KAZN: variants seen among roughly 807,000 people sequenced by gnomAD.
KAZN encodes kazrin.
In KAZN, 40 loss-of-function variants were observed where a neutral mutation model predicts 87.4. The ratio of observed to expected loss-of-function variants is 0.46; its 90% CI spans 0.36 to 0.60. The LOEUF (loss-of-function observed/expected upper bound fraction) is 0.60. Among genes scored for constraint, KAZN ranks in the 20% least tolerant of loss-of-function variants. KAZN has a pLI of 0.00. For missense variants in KAZN, 898 were observed against 1,073.9 expected, an observed-to-expected ratio of 0.84 and a Z score of 2.29; for synonymous variants, 466 against 458.3, an observed-to-expected ratio of 1.02 and a Z score of -0.22.
chr1:14,843,572 G>A (rs1162241042), intron 1 of KAZN, among the ~76,000 whole-genome samples: 1 of 152,244 alleles, frequency 6.6e-6, no homozygotes, highest in African/African-American at 2.4e-5. Context: ...TGGGGTGGAA[G>A]AGCCTTTGGG....
At chr1:14,014,560 G>T (rs757522917) in intron 1 of KAZN, among the ~76,000 whole-genome samples, 1 of 152,170 alleles carries the variant, frequency 6.6e-6, no homozygotes. Context: ...ATTTCTCTTA[G>T]CCTGCAAGAT....
Position 14,338,585 on chromosome 1 carries a change from C to T in KAZN, c.249+157993C>T, listed in dbSNP as rs183505934. On this transcript the variant is annotated intron_variant, in intron 2 of 16. Coordinates refer to the KAZN transcript ENST00000636203. ...ATGCATTTTCTGGGAAAGGTGTCCTCAGAAATAAAAGAGAGGCGATGGAAG... is the reference window on the plus strand; with the variant it reads ...ATGCATTTTCTGGGAAAGGTGTCCTTAGAAATAAAAGAGAGGCGATGGAAG... Among the ~76,000 whole-genome samples the T allele has an allele frequency of 2.0e-3, 301 of 148,270 alleles. 1 individual carries two copies. Among genetic ancestry groups the T allele is most frequent in the African/African-American group, 7.3e-3 (287 of 39,188 alleles).
intron 1 of KAZN, among the ~76,000 whole-genome samples, chr1:14,942,933 C>T (rs1389799808): frequency 1.3e-5 from 2 of 151,704 alleles, no homozygotes; most frequent in Middle Eastern, 3.4e-3. Flanking sequence ...AATTCGGCAT[C>T]GCCCTTCTGT....
intron 1 of KAZN, among the ~76,000 whole-genome samples, chr1:14,069,851 C>T (rs1047794139): frequency 6.6e-6 from 1 of 152,136 alleles, no homozygotes; most frequent in Non-Finnish European, 1.5e-5. Context: ...TTGCTCTCTC[C>T]TGTTGATCCT....
intron 1 of KAZN, among the ~76,000 whole-genome samples, chr1:14,173,237 C>T (rs867095163): frequency 6.6e-6 from 1 of 152,178 alleles, no homozygotes; most frequent in African/African-American, 2.4e-5. Flanking sequence ...AGAGTACAAG[C>T]ATCTTTATAG....
intron 1 of KAZN, among the ~76,000 whole-genome samples, chr1:13,895,964 C>A (rs1639024843): frequency 6.6e-6 from 1 of 151,380 alleles, no homozygotes; most frequent in African/African-American, 2.4e-5. Flanking sequence ...ATATGTTTTA[C>A]ATAAACTATC....
intron 2 of KAZN, among the ~76,000 whole-genome samples, chr1:14,994,320 A>G (rs1191105815): frequency 3.9e-5 from 6 of 152,334 alleles, no homozygotes; most frequent in African/African-American, 1.4e-4. Context: ...CCCACACATG[A>G]CATTTGCTGA....
intron 1 of KAZN, among the ~76,000 whole-genome samples, chr1:14,040,103 G>A (rs966601449): frequency 2.4e-5 from 2 of 83,090 alleles, no homozygotes; most frequent in African/African-American, 7.6e-5. Flanking sequence ...GAGAGAGAGA[G>A]ACAGAGAGAG....
chr1:15,043,957 C>A (rs1557747845), intron 3 of KAZN, 32 bp from the exon 4 acceptor site: 6 of 1,579,050 alleles, frequency 3.8e-6, no homozygotes, highest in Non-Finnish European at 5.2e-6. Flanking sequence ...GGCTGTAACA[C>A]CCACGGTGCT....
intron 1 of KAZN, among the ~76,000 whole-genome samples, chr1:14,792,448 G>C (rs1557494418): frequency 6.6e-6 from 1 of 152,178 alleles, no homozygotes; most frequent in East Asian, 1.9e-4. Context: ...TGTAATCCCA[G>C]TGGCAGTACA....
intron 14 of KAZN, 122 bp downstream of exon 14, chr1:15,112,663 C>T (rs1374126406): frequency 7.6e-6 from 5 of 655,616 alleles, no homozygotes; most frequent in Middle Eastern, 7.5e-4. Flanking sequence ...GGCCGGGTCA[C>T]GGGGGCATCC....
chr1:14,983,943 A>C (rs1014910831), intron 2 of KAZN, among the ~76,000 whole-genome samples: 4 of 152,090 alleles, frequency 2.6e-5, no homozygotes, highest in African/African-American at 9.7e-5. Context: ...ACTCTGTCCC[A>C]AAAATAAATT....
At chr1:14,309,357 A>C (rs946481) in intron 2 of KAZN, among the ~76,000 whole-genome samples, 74,508 of 152,002 alleles carry the variant, frequency 0.49, 19,455 homozygotes, top group African/African-American at 0.68. Flanking sequence ...CTGTTGGGGA[A>C]TTGTAGGTAA....
chr1:14,592,639 C>T (rs1325346887), intron 2 of KAZN, among the ~76,000 whole-genome samples: 2 of 152,142 alleles, frequency 1.3e-5, no homozygotes, highest in Non-Finnish European at 2.9e-5. Flanking sequence ...GAAGGGACAC[C>T]GTTTGCAGGA....
At chr1:14,088,864 C>T (rs1232286309) in intron 1 of KAZN, among the ~76,000 whole-genome samples, 1 of 151,322 alleles carries the variant, frequency 6.6e-6, no homozygotes. Flanking sequence ...CATGAATGGG[C>T]CTTTTTATCA....
intron 2 of KAZN, among the ~76,000 whole-genome samples, chr1:14,273,363 T>C (rs1652101839): frequency 6.6e-6 from 1 of 152,092 alleles, no homozygotes; most frequent in South Asian, 2.1e-4. Flanking sequence ...TTTTCAGCTT[T>C]TTCTCTGGTC....
At chr1:14,330,362 G>A (rs571752886) in intron 2 of KAZN, among the ~76,000 whole-genome samples, 1 of 152,242 alleles carries the variant, frequency 6.6e-6, no homozygotes, top group South Asian at 2.1e-4. Context: ...ACTATTGGCT[G>A]ATCAGAAAAG....
chr1:13,981,202 A>G (rs1052230405), intron 1 of KAZN, among the ~76,000 whole-genome samples: 1 of 144,860 alleles, frequency 6.9e-6, no homozygotes, highest in Admixed American at 7.0e-5. Context: ...AAAAAGGCCT[A>G]AGAAGACTGT....
intron 1 of KAZN, among the ~76,000 whole-genome samples, chr1:14,722,901 G>A (rs1359075143): frequency 6.6e-6 from 1 of 152,086 alleles, no homozygotes; most frequent in Admixed American, 6.5e-5. Context: ...TGAGGTGGGA[G>A]GGTCATTTGA....
Sources: gnomAD v4.1 joint callset for allele counts (sites outside exome capture counted in the v4.1 genomes callset) on GRCh38, gnomAD v4.1.1 for gene constraint, MANE v1.5 for transcripts, NCBI Gene and HGNC (gene_info 2026-07-23, HGNC 2026-07-21) for gene names.